The following PPFIA2 variants were observed in gnomAD, a reference collection of about 807,000 sequenced individuals.
PPFIA2 encodes the protein PPFI scaffold protein A2, also known as liprin-alpha-2.
PPFIA2 carries 46 observed loss-of-function variants against 175.5 expected under a neutral mutation model. The observed-to-expected ratio is 0.26, with a 90% CI of 0.21 to 0.34. The LOEUF (loss-of-function observed/expected upper bound fraction) is 0.34, where lower values mean the gene tolerates loss of function less well. Ranked by LOEUF, PPFIA2 falls within the 10% of genes least tolerant of loss-of-function variation. The pLI is 1.00. For missense variants in PPFIA2, 1,179 were observed against 1,506.1 expected, an observed-to-expected ratio of 0.78 and a Z score of 3.60; for synonymous variants, 568 against 511.4, an observed-to-expected ratio of 1.11 and a Z score of -1.49.
intron 21 of PPFIA2, among the ~76,000 whole-genome samples, chr12:81,328,387 A>G (rs7976691): frequency 0.64 from 97,153 of 152,076 alleles, 32,608 homozygotes; most frequent in Non-Finnish European, 0.76. Context: ...ATGTATTGTA[A>G]GTGTAAAATA....
intron 8 of PPFIA2, among the ~76,000 whole-genome samples, chr12:81,397,707 C>T (rs1339306252): frequency 6.6e-6 from 1 of 151,990 alleles, no homozygotes; most frequent in Non-Finnish European, 1.5e-5. Context: ...CGTTCCAAGC[C>T]ATGGACATGT....
chr12:81,695,190 G>A (rs1269042021), intron 3 of PPFIA2, among the ~76,000 whole-genome samples: 2 of 152,076 alleles, frequency 1.3e-5, no homozygotes, highest in African/African-American at 4.8e-5. Context: ...ATTGTATTTT[G>A]CAATGTGAGA....
At chr12:81,524,417 C>T (rs891457651) in intron 4 of PPFIA2, among the ~76,000 whole-genome samples, 4 of 152,182 alleles carry the variant, frequency 2.6e-5, no homozygotes. Context: ...ACAACTGAGT[C>T]AAAGAAGATT....
intron 30 of PPFIA2, 100 bp from the exon 31 acceptor site, chr12:81,263,490 TTA>T: frequency 9.2e-7 from 1 of 1,090,696 alleles, no homozygotes; most frequent in South Asian, 1.8e-5. Context: ...TTATTTACAT[TTA>T]GTCTGTCAAG....
intron 4 of PPFIA2, among the ~76,000 whole-genome samples, chr12:81,573,549 G>T (rs1463830991): frequency 2.0e-5 from 3 of 151,874 alleles, no homozygotes; most frequent in Admixed American, 6.6e-5. Flanking sequence ...TCCATAGGCA[G>T]TCTCTATTTC....
chr12:81,262,740 C>T (rs1008111954), intron 31 of PPFIA2, among the ~76,000 whole-genome samples: 3 of 152,166 alleles, frequency 2.0e-5, no homozygotes, highest in Non-Finnish European at 4.4e-5. Flanking sequence ...ATTCTCTTCT[C>T]ATGTTCATGG....
intron 4 of PPFIA2, among the ~76,000 whole-genome samples, chr12:81,535,099 T>C (rs1042485042): frequency 4.0e-5 from 6 of 151,748 alleles, no homozygotes; most frequent in Non-Finnish European, 7.4e-5. Context: ...TGGATTATAA[T>C]GGTATATACA....
intron 23 of PPFIA2, 45 bp downstream of exon 23, chr12:81,299,256 C>T (rs2047233141): frequency 6.4e-7 from 1 of 1,551,396 alleles, no homozygotes. Context: ...AAATTATCAA[C>T]TTAGTAGTGA....
intron 4 of PPFIA2, among the ~76,000 whole-genome samples, chr12:81,523,753 C>T (rs2063428671): frequency 6.6e-6 from 1 of 152,122 alleles, no homozygotes; most frequent in African/African-American, 2.4e-5. Context: ...TTAACAAGAC[C>T]TAAGACTAAA....
chr12:81,619,926 G>A lies in PPFIA2; in HGVS notation c.303+56865C>T, dbSNP rs181348285. On this transcript the variant is annotated intron_variant, in intron 4 of 32. Transcript: ENST00000549396. ...TGTAATCCCAGCACTTTGGGAGGCC[G>A]AGGCGGGCGGATCACGAGGTCAGGA... Among the ~76,000 whole-genome samples, 956 of 152,170 alleles carry A rather than the reference G, an allele frequency of 6.3e-3. 24 individuals are homozygous for A. The highest frequency in any genetic ancestry group is 3.1e-3 in the Admixed American group (48 of 15,300).
intron 5 of PPFIA2, among the ~76,000 whole-genome samples, chr12:81,451,704 A>C (rs2052616667): frequency 6.6e-6 from 1 of 152,178 alleles, no homozygotes; most frequent in African/African-American, 2.4e-5. Context: ...CCCAATACCA[A>C]GGAAAATATT....
At chr12:81,651,351 T>C (rs137923897) in intron 4 of PPFIA2, among the ~76,000 whole-genome samples, 1 of 152,170 alleles carries the variant, frequency 6.6e-6, no homozygotes, top group Non-Finnish European at 1.5e-5. Context: ...TCTATTAAGA[T>C]GTAAAACAGA....
chr12:81,745,966 T>A (rs2083007453), intron 3 of PPFIA2, among the ~76,000 whole-genome samples: 3 of 106,772 alleles, frequency 2.8e-5, no homozygotes, highest in African/African-American at 7.8e-5. Context: ...AAAACAAAAG[T>A]ATTTCTCTTT....
At chr12:81,600,525 GTTTTA>G (rs1235599255) in intron 4 of PPFIA2, among the ~76,000 whole-genome samples, 1 of 151,602 alleles carries the variant, frequency 6.6e-6, no homozygotes, top group African/African-American at 2.4e-5. Flanking sequence ...GAAAATTTAT[GTTTTA>G]TTTTCCAGTA....
chr12:81,732,514 A>AT (rs1568047392), intron 3 of PPFIA2, among the ~76,000 whole-genome samples: 3 of 34,136 alleles, frequency 8.8e-5, no homozygotes, highest in Non-Finnish European at 2.4e-4. Context: ...GTTTTTTTTT[A>AT]AAAAAAAAAA....
At chr12:81,719,568 T>C (rs1049977932) in intron 3 of PPFIA2, among the ~76,000 whole-genome samples, 4 of 151,458 alleles carry the variant, frequency 2.6e-5, no homozygotes, top group Non-Finnish European at 4.4e-5. Context: ...ACCAATGACA[T>C]CAAAAAGAAA....
At chr12:81,720,872 C>A (rs1200450559) in intron 3 of PPFIA2, among the ~76,000 whole-genome samples, 1 of 151,104 alleles carries the variant, frequency 6.6e-6, no homozygotes, top group Non-Finnish European at 1.5e-5. Flanking sequence ...TTGTTACTTA[C>A]AACCAAAGAT....
chr12:81,755,465 G>A (rs1001937458), intron 2 of PPFIA2, among the ~76,000 whole-genome samples: 1 of 152,076 alleles, frequency 6.6e-6, no homozygotes, highest in Non-Finnish European at 1.5e-5. Flanking sequence ...TAATTTTTCT[G>A]CCTATACATT....
intron 9 of PPFIA2, among the ~76,000 whole-genome samples, chr12:81,381,482 T>C (rs942696617): frequency 6.6e-6 from 1 of 152,080 alleles, no homozygotes; most frequent in Non-Finnish European, 1.5e-5. Context: ...TAAGCATTAA[T>C]AGAGCAATGA....
Sources: gnomAD v4.1 joint callset for allele counts (sites outside exome capture counted in the v4.1 genomes callset) on GRCh38, gnomAD v4.1.1 for gene constraint, MANE v1.5 for transcripts, NCBI Gene and HGNC (gene_info 2026-07-23, HGNC 2026-07-21) for gene names.